Variants in UNC13C observed in about 807,000 individuals in gnomAD.
The protein encoded by UNC13C is unc-13 homolog C.
In UNC13C, 174 loss-of-function variants were observed where a neutral mutation model predicts 245.4. The observed-to-expected ratio is 0.71, with a 90% confidence interval of 0.63 to 0.80. The LOEUF (loss-of-function observed/expected upper bound fraction) is 0.80. UNC13C is among the 30% of genes least tolerant of loss of function. The pLI, the probability that UNC13C is intolerant of heterozygous loss-of-function variation, is 0.00. For synonymous variants in UNC13C, 992 were observed against 895.1 expected, an observed-to-expected ratio of 1.11 and a Z score of -1.93; for missense variants, 2,829 against 2,602.9, an observed-to-expected ratio of 1.09 and a Z score of -1.89.
chr15:54,447,031 T>C (rs1567279717), intron 19 of UNC13C, among the ~76,000 whole-genome samples: 1 of 152,248 alleles, frequency 6.6e-6, no homozygotes, highest in Non-Finnish European at 1.5e-5. Context: ...AGGCCTTTTC[T>C]GCCTCTATTG....
intron 28 of UNC13C, among the ~76,000 whole-genome samples, chr15:54,552,983 G>C (rs371802299): frequency 2.2e-5 from 1 of 44,912 alleles, no homozygotes; most frequent in Non-Finnish European, 4.1e-5. Flanking sequence ...ATTATATATT[G>C]TATTCTATAT....
chr15:54,023,782 C>T (rs148146026), intron 2 of UNC13C, among the ~76,000 whole-genome samples: 2,897 of 152,158 alleles, frequency 0.019, 30 homozygotes, highest in South Asian at 0.067. Flanking sequence ...TATTAACTGA[C>T]GATGAAAGAT....
At chr15:53,880,729 A>T in the UNC13C span, among the ~76,000 whole-genome samples, 1 of 151,446 alleles carries the variant, frequency 6.6e-6, no homozygotes, top group Non-Finnish European at 1.5e-5. Context: ...CATCACAAAG[A>T]AAGAGTCTGA....
chr15:53,989,665 G>A (rs1192632298), intron 1 of UNC13C, among the ~76,000 whole-genome samples: 3 of 151,970 alleles, frequency 2.0e-5, no homozygotes, highest in Non-Finnish European at 2.9e-5. Context: ...TCCAGGGAAC[G>A]AGCTTTTTGT....
intron 2 of UNC13C, among the ~76,000 whole-genome samples, chr15:54,035,682 C>T (rs1014680003): frequency 2.0e-5 from 3 of 152,046 alleles, no homozygotes; most frequent in East Asian, 1.9e-4. Flanking sequence ...CAGAGAAAAA[C>T]GTGGAAGCCA....
chr15:54,352,536 T>C (rs2039007865), intron 17 of UNC13C, among the ~76,000 whole-genome samples: 1 of 151,786 alleles, frequency 6.6e-6, no homozygotes, highest in African/African-American at 2.4e-5. Context: ...AGCATGTTTC[T>C]TCTAAAGTTC....
chr15:54,548,268 C>G (rs1286070768), intron 27 of UNC13C, among the ~76,000 whole-genome samples: 1 of 125,260 alleles, frequency 8.0e-6, no homozygotes, highest in Non-Finnish European at 1.6e-5. Flanking sequence ...TTCGCCCAGG[C>G]TGGAGTGCAG....
intron 30 of UNC13C, among the ~76,000 whole-genome samples, chr15:54,598,138 T>G (rs1012055067): frequency 5.3e-5 from 8 of 152,204 alleles, no homozygotes; most frequent in African/African-American, 1.9e-4. Context: ...TCTCGCTTTG[T>G]CGCCCACGCT....
At chr15:54,342,972 C>G (rs543271120) in intron 17 of UNC13C, among the ~76,000 whole-genome samples, 2 of 152,178 alleles carry the variant, frequency 1.3e-5, no homozygotes, top group East Asian at 3.9e-4. Context: ...CTTGTACTTT[C>G]CCATGAGTAG....
chr15:54,229,928 C>T (rs1171958126), intron 4 of UNC13C, among the ~76,000 whole-genome samples: 2 of 152,006 alleles, frequency 1.3e-5, no homozygotes, highest in Non-Finnish European at 2.9e-5. Context: ...CCTTCAGGTT[C>T]ATCCATTGTC....
At chr15:53,976,385 G>A (rs1321794962), upstream of UNC13C, among the ~76,000 whole-genome samples, 4 of 150,058 alleles carry the variant, frequency 2.7e-5, no homozygotes, top group African/African-American at 4.9e-5. Context: ...TTTCCTCTAC[G>A]AGAATATTTG....
chr15:54,070,039 T>G (rs1427462349), intron 2 of UNC13C, among the ~76,000 whole-genome samples: 6 of 152,236 alleles, frequency 3.9e-5, no homozygotes, highest in Admixed American at 3.9e-4. Context: ...CTCAAGGTCA[T>G]AGAGCTTGAA....
chr15:53,879,679 C>T, the UNC13C span, among the ~76,000 whole-genome samples: 1 of 152,076 alleles, frequency 6.6e-6, no homozygotes, highest in Non-Finnish European at 1.5e-5. Flanking sequence ...ACCTCCACCT[C>T]CCAGGTTCAA....
chr15:54,228,256 C>G (rs2035451089), intron 4 of UNC13C, among the ~76,000 whole-genome samples: 1 of 152,090 alleles, frequency 6.6e-6, no homozygotes, highest in South Asian at 2.1e-4. Context: ...AAGCAATGTG[C>G]TCCCATCTGG....
intron 18 of UNC13C, among the ~76,000 whole-genome samples, chr15:54,398,551 G>T (rs1004475109): frequency 1.3e-5 from 2 of 151,274 alleles, no homozygotes; most frequent in African/African-American, 4.8e-5. Flanking sequence ...ATTTTTGATA[G>T]AATTTACTGG....
intron 2 of UNC13C, among the ~76,000 whole-genome samples, chr15:54,031,771 A>C (rs1219794657): frequency 1.3e-5 from 2 of 152,252 alleles, no homozygotes; most frequent in African/African-American, 4.8e-5. Flanking sequence ...ATCAAATATT[A>C]ATACAATAAA....
chr15:54,218,877 A>G (rs2035126990), intron 4 of UNC13C, among the ~76,000 whole-genome samples: 1 of 151,982 alleles, frequency 6.6e-6, no homozygotes, highest in African/African-American at 2.4e-5. Flanking sequence ...TAAAAAATAG[A>G]AATGCATCTT....
chr15:54,179,460 T>G (rs575408735), intron 4 of UNC13C, among the ~76,000 whole-genome samples: 1 of 152,198 alleles, frequency 6.6e-6, no homozygotes, highest in East Asian at 1.9e-4. Flanking sequence ...CAGGTTGATA[T>G]TCTAGAGCTG....
At chr15:54,494,238 A>T (rs181664221) in intron 19 of UNC13C, among the ~76,000 whole-genome samples, 2 of 152,260 alleles carry the variant, frequency 1.3e-5, no homozygotes, top group East Asian at 3.9e-4. Flanking sequence ...ATAATTTTAA[A>T]AAAAGAATTT....
Sources: gnomAD v4.1 joint callset for allele counts (sites outside exome capture counted in the v4.1 genomes callset) on GRCh38, gnomAD v4.1.1 for gene constraint, MANE v1.5 for transcripts, NCBI Gene and HGNC (gene_info 2026-07-23, HGNC 2026-07-21) for gene names.